The following CACNA1C variants were observed in gnomAD, a reference collection of about 807,000 sequenced individuals.
The protein encoded by CACNA1C is calcium voltage-gated channel subunit alpha1 C.
In CACNA1C, 30 loss-of-function variants were observed where a neutral mutation model predicts 229.0. That is an observed-to-expected ratio of 0.13 (90% CI 0.10 to 0.18). The LOEUF (loss-of-function observed/expected upper bound fraction) is 0.18. CACNA1C is among the 10% of genes least tolerant of loss of function. The probability of loss-of-function intolerance (pLI) is 1.00; values close to 1 mark genes in which losing one functional copy is unlikely to be tolerated. For missense variants in CACNA1C, 1,658 were observed against 2,845.0 expected (o/e 0.58, Z 9.49); for synonymous variants, 1,114 against 1,132.5 (o/e 0.98, Z 0.33).
chr12:2,050,210 T>A (rs540486446), upstream of CACNA1C, among the ~76,000 whole-genome samples: 105 of 152,166 alleles, frequency 6.9e-4, no homozygotes, highest in African/African-American at 2.4e-3. Context: ...ACTTCACCCC[T>A]CAGAAGAATG....
intron 3 of CACNA1C, among the ~76,000 whole-genome samples, chr12:2,426,386 T>G (rs1349640040): frequency 6.6e-6 from 1 of 152,110 alleles, no homozygotes; most frequent in Admixed American, 6.5e-5. Flanking sequence ...GCATAGACAG[T>G]GAGTGCTGGG....
At position 2,679,945 on chromosome 12, in the gene CACNA1C, G is replaced by A. The variant is rs775053083; in HGVS notation, c.5444+149G>A. ...GCCCCAGACTCCAGCAAGAGCAGGA[G>A]GCACTATGCTGTCTCCCAAGTCCTG... is the stretch of plus-strand genomic sequence containing the variant. On this transcript the variant is annotated intron_variant, in intron 42 of 46. Coordinates refer to ENST00000399655, the MANE Select transcript of CACNA1C (RefSeq NM_000719.7). The surrounding 1 kb of genome is among the most constrained non-coding windows in gnomAD (Gnocchi z 5.5). 73 of 646,688 alleles carry A rather than the reference G, an allele frequency of 1.1e-4. No individual in the cohort carries two copies. Among genetic ancestry groups the A allele is most frequent in the Middle Eastern group, 8.4e-4 (2 of 2,370 alleles). The allele number at this position is 646,688 out of a possible 1,614,324, so 40.1% of individuals were successfully genotyped here.
At chr12:2,471,601 T>C (rs1312480082) in intron 5 of CACNA1C, among the ~76,000 whole-genome samples, 1 of 152,230 alleles carries the variant, frequency 6.6e-6, no homozygotes, top group Non-Finnish European at 1.5e-5. Flanking sequence ...GAGTTCTTGA[T>C]TGACAGGTTT....
chr12:2,017,403 C>A (rs768733776), intron 1 of CACNA1C, among the ~76,000 whole-genome samples: 1 of 152,166 alleles, frequency 6.6e-6, no homozygotes, highest in Non-Finnish European at 1.5e-5. Context: ...CCTTCAAGAA[C>A]GCTCAAGCAT....
At chr12:2,229,477 T>G (rs1037286390) in intron 3 of CACNA1C, among the ~76,000 whole-genome samples, 1 of 152,198 alleles carries the variant, frequency 6.6e-6, no homozygotes, top group Non-Finnish European at 1.5e-5. Flanking sequence ...AAAACAGGCC[T>G]GAATCCCTGC....
chr12:2,037,773 C>T (rs1024682579), intron 1 of CACNA1C, among the ~76,000 whole-genome samples: 1 of 152,232 alleles, frequency 6.6e-6, no homozygotes, highest in Non-Finnish European at 1.5e-5. Flanking sequence ...GGTAGAGCAG[C>T]ATCAGCCTCA....
chr12:2,297,973 A>T (rs113258895), intron 3 of CACNA1C, among the ~76,000 whole-genome samples: 1 of 152,186 alleles, frequency 6.6e-6, no homozygotes, highest in Non-Finnish European at 1.5e-5. Flanking sequence ...TCTGTTTCAG[A>T]GGACCTCAGC....
At chr12:2,057,525 C>G (rs760061346) in intron 1 of CACNA1C, among the ~76,000 whole-genome samples, 3 of 152,174 alleles carry the variant, frequency 2.0e-5, no homozygotes, top group Non-Finnish European at 4.4e-5. Context: ...TGCCCCGGCA[C>G]AGGTAACCCA....
Position 2,550,122 on chromosome 12 carries a change from A to T in CACNA1C, c.1481+89A>T, listed in dbSNP as rs141991359. ...TCTGGAAATCACAGTGGGCTGGCTC[A>T]TCACTAGGAAGGGCAGAGATTAGAG... On this transcript the variant is annotated intron_variant, in intron 10 of 46. Transcript: ENST00000399655. 2.9e-4 allele frequency: 272 copies of T among 928,504 alleles called. 1 individual carries two copies. In the East Asian group the frequency reaches 7.0e-3, roughly 24 times the overall value. 57.5% of individuals were successfully genotyped at this position (928,504 alleles called of 1,614,324 possible). A position where few individuals can be genotyped will look rare whatever the true frequency, so the allele number is the denominator to read the frequency against.
chr12:1,972,442 T>C (rs144213278), intron 1 of CACNA1C, among the ~76,000 whole-genome samples: 1 of 152,204 alleles, frequency 6.6e-6, no homozygotes, highest in Non-Finnish European at 1.5e-5. Context: ...GTAGTACACA[T>C]GCACACACAG....
intron 9 of CACNA1C, among the ~76,000 whole-genome samples, chr12:2,522,294 C>T (rs961215789): frequency 6.6e-6 from 1 of 152,234 alleles, no homozygotes. Context: ...TATTCACTCT[C>T]CCACTCAGTA....
chr12:2,217,371 G>A (rs1483602493), intron 3 of CACNA1C: 1 of 152,146 alleles, frequency 6.6e-6, no homozygotes. Flanking sequence ...TGTTTTTAAT[G>A]CTACTAAATT....
In CACNA1C at chr12:2,440,095, C is replaced by A. The variant is rs182022568; in HGVS notation, c.478-8881C>A. On this transcript the variant is annotated intron_variant, in intron 3 of 46. Transcript: ENST00000399655. ...GCTGTGCTGTCAAACATTTAAGATC[C>A]AAAAGAATGCTTCTTTTTTTATTGT... 4.9e-3 allele frequency among the ~76,000 whole-genome samples: 746 copies of A among 152,276 alleles called. 6 individuals carry two copies. The highest frequency in any genetic ancestry group is 7.7e-3 in the Non-Finnish European group (521 of 68,012).
intron 3 of CACNA1C, among the ~76,000 whole-genome samples, chr12:2,279,774 A>G (rs1310732031): frequency 1.3e-5 from 2 of 152,264 alleles, no homozygotes; most frequent in Admixed American, 6.5e-5. Context: ...AGTATCAACT[A>G]TTTACATAGC....
chr12:2,066,945 C>T (rs554025730), intron 1 of CACNA1C, among the ~76,000 whole-genome samples: 8 of 152,038 alleles, frequency 5.3e-5, no homozygotes, highest in East Asian at 1.9e-4. Flanking sequence ...TTGAGGAGAC[C>T]GGAAGAGGGA....
Position 2,228,392 on chromosome 12 carries a change from T to C in CACNA1C, c.477+107962T>C, listed in dbSNP as rs111361579. On this transcript the variant is annotated intron_variant, in intron 3 of 46. Transcript: ENST00000399655. The stretch of plus-strand genomic sequence containing the variant: ...GGAATTAACTTACTTGCCCAGGTCT[T>C]AAACTCAGATCTGTCTGGCTCCAAA... 4.1e-3 allele frequency among the ~76,000 whole-genome samples: 620 copies of C among 152,334 alleles called. 11 individuals carry two copies. The highest frequency in any genetic ancestry group is 0.032 in the South Asian group (155 of 4,828).
chr12:2,568,128 T>A (rs1487783688), intron 13 of CACNA1C, among the ~76,000 whole-genome samples: 1 of 152,114 alleles, frequency 6.6e-6, no homozygotes, highest in East Asian at 1.9e-4. Context: ...CCAGCCTTGG[T>A]GCTGATTCTT....
intron 3 of CACNA1C, among the ~76,000 whole-genome samples, chr12:2,338,714 C>T (rs2096775076): frequency 6.6e-6 from 1 of 152,134 alleles, no homozygotes; most frequent in Non-Finnish European, 1.5e-5. Flanking sequence ...ATCCAGGACA[C>T]AGGGCCCAGG....
chr12:2,500,659 A>G (rs1393095882), intron 7 of CACNA1C, among the ~76,000 whole-genome samples: 1 of 152,142 alleles, frequency 6.6e-6, no homozygotes. Flanking sequence ...AGAGAGGAGC[A>G]AGGGGAGTTT....
Sources: gnomAD v4.1 joint callset for allele counts (sites outside exome capture counted in the v4.1 genomes callset) on GRCh38, gnomAD v4.1.1 for gene constraint, Gnocchi (gnomAD v3.1) non-coding constraint, MANE v1.5 for transcripts, NCBI Gene and HGNC (gene_info 2026-07-23, HGNC 2026-07-21) for gene names.